Variants in GPATCH8 observed in about 807,000 individuals in gnomAD.
The protein encoded by GPATCH8 is G-patch domain containing 8, also known as G patch domain-containing protein 8.
Under a neutral mutation model 118.3 loss-of-function variants are expected in GPATCH8, and 18 were observed. The ratio of observed to expected loss-of-function variants is 0.15; its 90% CI spans 0.11 to 0.23. GPATCH8 has a LOEUF of 0.23. Ranked by LOEUF, GPATCH8 falls within the 10% of genes least tolerant of loss-of-function variation. The pLI is 1.00. For synonymous variants in GPATCH8, 659 were observed against 684.7 expected, an observed-to-expected ratio of 0.96 and a Z score of 0.59; for missense variants, 1,631 against 1,873.8, an observed-to-expected ratio of 0.87 and a Z score of 2.39.
At chr17:44,475,332 A>ACTGGGCCACCACACTCCAGC (rs1219067981) in intron 1 of GPATCH8, among the ~76,000 whole-genome samples, 14 of 150,526 alleles carry the variant, frequency 9.3e-5, no homozygotes, top group African/African-American at 3.2e-4. Context: ...GTGAGTTGAG[A>ACTGGGCCACCACACTCCAGC]CTGGGCCACC....
intron 1 of GPATCH8, among the ~76,000 whole-genome samples, chr17:44,475,271 T>A: frequency 6.6e-6 from 1 of 151,312 alleles, no homozygotes; most frequent in East Asian, 1.9e-4. Flanking sequence ...TCCCAGCTAC[T>A]CAGGAGGCTG....
At chr17:44,404,695 CTT>C (rs953083343) in intron 7 of GPATCH8, among the ~76,000 whole-genome samples, 1 of 151,988 alleles carries the variant, frequency 6.6e-6, no homozygotes, top group African/African-American at 2.4e-5. Context: ...AATACACAAA[CTT>C]AATCAGTATA....
At chr17:44,435,003 T>C (rs1567983862) in intron 5 of GPATCH8, 62 bp downstream of exon 5, 1 of 804,752 alleles carries the variant, frequency 1.2e-6, no homozygotes, top group East Asian at 2.4e-5. Context: ...CAACAAAATT[T>C]GAGTTCTTTC....
chr17:44,470,057 T>TA (rs1399795171), intron 2 of GPATCH8, among the ~76,000 whole-genome samples: 3 of 152,186 alleles, frequency 2.0e-5, no homozygotes, highest in Non-Finnish European at 2.9e-5. Context: ...CTGACAACCA[T>TA]AAAGAAAGAA....
intron 6 of GPATCH8, among the ~76,000 whole-genome samples, chr17:44,412,838 G>GT (rs910034026): frequency 1.6e-4 from 24 of 151,996 alleles, no homozygotes; most frequent in African/African-American, 5.6e-4. Flanking sequence ...TCTCTCCACT[G>GT]TTTTTTTTCC....
chr17:44,471,867 A>T, intron 2 of GPATCH8, among the ~76,000 whole-genome samples: 1 of 108,046 alleles, frequency 9.3e-6, no homozygotes, highest in African/African-American at 3.4e-5. Context: ...TGTGACCAAA[A>T]AAAGTAAAAA....
chr17:44,432,529 T>C, intron 5 of GPATCH8, among the ~76,000 whole-genome samples: 1 of 152,118 alleles, frequency 6.6e-6, no homozygotes, highest in Admixed American at 6.5e-5. Flanking sequence ...AAATAAAGAA[T>C]GCAAGTAATG....
At chr17:44,496,941 T>G (rs1018666536) in intron 1 of GPATCH8, among the ~76,000 whole-genome samples, 7 of 152,202 alleles carry the variant, frequency 4.6e-5, no homozygotes, top group Admixed American at 3.9e-4. Flanking sequence ...AAGTGGAAAA[T>G]TATTACAACA....
chr17:44,480,103 A>G (rs1321186737), intron 1 of GPATCH8, among the ~76,000 whole-genome samples: 1 of 152,166 alleles, frequency 6.6e-6, no homozygotes, highest in African/African-American at 2.4e-5. Context: ...AAAATACACA[A>G]AATTCTCAAA....
intron 6 of GPATCH8, among the ~76,000 whole-genome samples, chr17:44,419,255 A>G (rs2049804559): frequency 6.6e-6 from 1 of 152,250 alleles, no homozygotes; most frequent in South Asian, 2.1e-4. Context: ...GATTGCTAAT[A>G]CAGGGTTGAA....
intron 1 of GPATCH8, among the ~76,000 whole-genome samples, chr17:44,479,076 A>G (rs1011240524): frequency 3.3e-5 from 5 of 152,218 alleles, no homozygotes; most frequent in African/African-American, 1.2e-4. Flanking sequence ...CCCAAAATAT[A>G]TCACTATCAA....
chr17:44,445,505 T>C (rs1395678827), intron 3 of GPATCH8, among the ~76,000 whole-genome samples: 3 of 144,922 alleles, frequency 2.1e-5, no homozygotes, highest in Non-Finnish European at 4.4e-5. Flanking sequence ...TCTTTTTCTT[T>C]TTTTTTTTTC....
intron 4 of GPATCH8, among the ~76,000 whole-genome samples, chr17:44,435,716 G>A (rs1455284017): frequency 7.2e-5 from 10 of 138,370 alleles, no homozygotes; most frequent in African/African-American, 1.0e-4. Flanking sequence ...TGCGCCCAGC[G>A]ACTCCTAATT....
intron 2 of GPATCH8, chr17:44,465,619 T>C (rs969254125): frequency 1.7e-4 from 26 of 152,228 alleles, no homozygotes; most frequent in East Asian, 1.5e-3. Context: ...TCTATATGTA[T>C]TAAAATGTAA....
At chr17:44,454,622 T>C (rs2051257466) in intron 3 of GPATCH8, among the ~76,000 whole-genome samples, 1 of 152,122 alleles carries the variant, frequency 6.6e-6, no homozygotes, top group Non-Finnish European at 1.5e-5. Flanking sequence ...AGAGACAGGG[T>C]ATGTTCCCCA....
chr17:44,441,941 T>A (rs1479201240), intron 3 of GPATCH8, among the ~76,000 whole-genome samples: 5 of 151,610 alleles, frequency 3.3e-5, no homozygotes, highest in African/African-American at 9.7e-5. Context: ...GGCAGGAGAA[T>A]CGCTTAAACC....
chr17:44,492,821 T>C (rs1969361357), intron 1 of GPATCH8, among the ~76,000 whole-genome samples: 1 of 152,126 alleles, frequency 6.6e-6, no homozygotes, highest in Admixed American at 6.6e-5. Context: ...AGAAATACCA[T>C]TCTCCTCTCC....
At position 44,483,184 on chromosome 17, in the gene GPATCH8, TATATATATATATATATATATA is replaced by T. The variant is rs1191781567; in HGVS notation, c.46-8302_46-8282del. On this transcript the variant is annotated intron_variant, in intron 1 of 7. Transcript: ENST00000591680. ...AAAAAAAAAAAAAAAAAAATATATA[TATATATATATATATATATATA>T]TATATATATATACAGCCTACCTCTC... 3.4e-3 allele frequency among the ~76,000 whole-genome samples: 55 copies of T among 16,008 alleles called. 6 individuals are homozygous for T. The highest frequency in any genetic ancestry group is 5.6e-3 in the Non-Finnish European group (44 of 7,902). 10.5% of individuals were successfully genotyped at this position (16,008 alleles called of 152,430 possible).
At chr17:44,428,352 G>A (rs2050164926) in intron 5 of GPATCH8, among the ~76,000 whole-genome samples, 1 of 151,966 alleles carries the variant, frequency 6.6e-6, no homozygotes, top group Non-Finnish European at 1.5e-5. Context: ...AATCAGCCAG[G>A]TGTGGTGGTG....
Sources: allele counts gnomAD v4.1 joint callset (sites outside exome capture counted in the v4.1 genomes callset), GRCh38; gene constraint gnomAD v4.1.1; transcripts MANE v1.5; gene names NCBI Gene and HGNC (gene_info 2026-07-23, HGNC 2026-07-21).